The following SEMA6A variants were observed in gnomAD, a reference collection of about 807,000 sequenced individuals.
The protein encoded by SEMA6A is semaphorin-6A.
SEMA6A carries 25 observed loss-of-function variants against 96.8 expected under a neutral mutation model. The observed-to-expected ratio is 0.26, with a 90% CI of 0.19 to 0.36. The LOEUF (loss-of-function observed/expected upper bound fraction) is 0.36, where lower values mean the gene tolerates loss of function less well. SEMA6A is among the 10% of genes least tolerant of loss of function. The probability of loss-of-function intolerance (pLI) is 1.00; values close to 1 mark genes in which losing one functional copy is unlikely to be tolerated. For synonymous variants in SEMA6A, 612 were observed against 518.0 expected (o/e 1.18, Z -2.46); for missense variants, 1,363 against 1,323.1 (o/e 1.03, Z -0.47).
At chr5:116,494,724 A>G (rs1757498313) in intron 6 of SEMA6A, among the ~76,000 whole-genome samples, 1 of 152,196 alleles carries the variant, frequency 6.6e-6, no homozygotes. Flanking sequence ...AACACAGTAC[A>G]TGTTTCCTGA....
chr5:116,507,213 G>A (rs1758180252), intron 1 of SEMA6A, among the ~76,000 whole-genome samples: 1 of 152,188 alleles, frequency 6.6e-6, no homozygotes, highest in African/African-American at 2.4e-5. Context: ...TAGTTAACAT[G>A]TACATCATAC....
At chr5:116,573,020 C>T (rs1486116796) in intron 1 of SEMA6A, among the ~76,000 whole-genome samples, 1 of 152,132 alleles carries the variant, frequency 6.6e-6, no homozygotes, top group East Asian at 1.9e-4. Flanking sequence ...CTCCCTGGCT[C>T]CCCCCGTGCC....
intron 1 of SEMA6A, among the ~76,000 whole-genome samples, chr5:116,505,628 C>G (rs1348721490): frequency 6.6e-6 from 1 of 152,164 alleles, no homozygotes; most frequent in African/African-American, 2.4e-5. Context: ...TAGGCAGATC[C>G]TTTCACACTC....
intron 11 of SEMA6A, 126 bp downstream of exon 11, chr5:116,482,318 G>A (rs1756822144): frequency 4.8e-6 from 5 of 1,036,734 alleles, no homozygotes; most frequent in Non-Finnish European, 1.4e-6. Flanking sequence ...TGGTTAATGA[G>A]ATGAAGGCAA....
intron 11 of SEMA6A, among the ~76,000 whole-genome samples, chr5:116,481,858 C>A (rs926564852): frequency 2.0e-5 from 3 of 152,028 alleles, no homozygotes; most frequent in Non-Finnish European, 4.4e-5. Context: ...AATTCTAAGC[C>A]ATGATTTGGG....
intron 18 of SEMA6A, among the ~76,000 whole-genome samples, chr5:116,465,551 G>C (rs558632023): frequency 6.6e-6 from 1 of 152,166 alleles, no homozygotes; most frequent in East Asian, 1.9e-4. Context: ...AAACACCCAT[G>C]CAGTCACCTC....
intron 18 of SEMA6A, among the ~76,000 whole-genome samples, chr5:116,448,755 C>CAAAA (rs3984966): frequency 0.029 from 3,045 of 105,706 alleles, 172 homozygotes; most frequent in Middle Eastern, 0.054. Flanking sequence ...CATCACCTCT[C>CAAAA]AAAAAAAAAA....
chr5:116,493,895 TCA>T (rs1442002420), intron 6 of SEMA6A, among the ~76,000 whole-genome samples: 1 of 152,200 alleles, frequency 6.6e-6, no homozygotes, highest in African/African-American at 2.4e-5. Flanking sequence ...GCAGTGCCGT[TCA>T]CAGTGCTTGG....
chr5:116,450,908 A>C (rs1487483531), intron 18 of SEMA6A, among the ~76,000 whole-genome samples: 1 of 152,226 alleles, frequency 6.6e-6, no homozygotes, highest in Non-Finnish European at 1.5e-5. Flanking sequence ...TTCAAACTTA[A>C]AGCTTTCTGC....
At chr5:116,487,090 AGT>A in intron 9 of SEMA6A, 124 bp from the exon 10 acceptor site, 4 of 628,276 alleles carry the variant, frequency 6.4e-6, no homozygotes, top group South Asian at 4.2e-5. Flanking sequence ...TTCTAAAATC[AGT>A]AACAAAAAAA....
chr5:116,452,002 G>T (rs1224636866), intron 18 of SEMA6A, among the ~76,000 whole-genome samples: 3 of 152,130 alleles, frequency 2.0e-5, no homozygotes, highest in Non-Finnish European at 1.5e-5. Context: ...AAGGGCAAAG[G>T]GCAAAGGGCA....
chr5:116,535,507 A>G (rs1249325236), intron 1 of SEMA6A, among the ~76,000 whole-genome samples: 1 of 152,226 alleles, frequency 6.6e-6, no homozygotes, highest in African/African-American at 2.4e-5. Flanking sequence ...TTGAATGATT[A>G]GAAACTGTGA....
At chr5:116,573,622 G>A (rs1477628450) in intron 1 of SEMA6A, among the ~76,000 whole-genome samples, 3 of 151,696 alleles carry the variant, frequency 2.0e-5, no homozygotes, top group African/African-American at 4.8e-5. Flanking sequence ...GCACTCCACG[G>A]AGCCCAGCCC....
At chr5:116,525,841 A>G (rs528133098) in intron 1 of SEMA6A, among the ~76,000 whole-genome samples, 33 of 152,274 alleles carry the variant, frequency 2.2e-4, no homozygotes, top group African/African-American at 7.5e-4. Context: ...TTTTACTTCT[A>G]TTTACTTTCA....
chr5:116,497,390 A>G lies in SEMA6A; in HGVS notation c.219-3T>C, dbSNP rs147181128. The G allele has an allele frequency of 3.2e-4, 502 of 1,574,804 alleles. 1 individual carries two copies. The African/African-American group carries it at 5.4e-3, about 17-fold the overall frequency. On this transcript the variant is annotated splice_polypyrimidine_tract_variant and splice_region_variant and intron_variant, in intron 3 of 18. Coordinates refer to ENST00000343348, the MANE Select transcript of SEMA6A (RefSeq NM_020796.5). ...TATCAACAGTATAAATATGGTCCCT[A>G]TAGGCAAAGAAAAATTAATACAAGG...
intron 1 of SEMA6A, among the ~76,000 whole-genome samples, chr5:116,507,490 G>A (rs1396670676): frequency 6.6e-6 from 1 of 152,178 alleles, no homozygotes; most frequent in East Asian, 1.9e-4. Flanking sequence ...ACTTGCACCA[G>A]CCCAGGAGAA....
At chr5:116,449,977 C>G (rs1754519609) in intron 18 of SEMA6A, 1 of 152,130 alleles carries the variant, frequency 6.6e-6, no homozygotes, top group East Asian at 1.9e-4. Context: ...AGTGGGGTGT[C>G]CTGCATTCAA....
intron 18 of SEMA6A, among the ~76,000 whole-genome samples, chr5:116,460,416 G>A (rs1162303352): frequency 3.9e-5 from 6 of 152,128 alleles, no homozygotes; most frequent in African/African-American, 1.2e-4. Context: ...ATTTCTAAGA[G>A]TTAAAGGCCA....
intron 1 of SEMA6A, among the ~76,000 whole-genome samples, chr5:116,523,541 G>A (rs1759066911): frequency 6.6e-6 from 1 of 151,950 alleles, no homozygotes; most frequent in Admixed American, 6.6e-5. Flanking sequence ...CGAACTCCTG[G>A]GCTCAAGTGA....
Sources: gnomAD v4.1 joint callset for allele counts (sites outside exome capture counted in the v4.1 genomes callset) on GRCh38, gnomAD v4.1.1 for gene constraint, MANE v1.5 for transcripts, NCBI Gene and HGNC (gene_info 2026-07-23, HGNC 2026-07-21) for gene names.